Variants in CCDC138 observed in about 807,000 individuals in gnomAD.
The protein encoded by CCDC138 is coiled-coil domain containing 138.
Under a neutral mutation model 82.3 loss-of-function variants are expected in CCDC138, and 66 were observed. The ratio of observed to expected loss-of-function variants is 0.80; its 90% CI spans 0.66 to 0.98. The LOEUF is 0.98. Ranked by LOEUF, CCDC138 falls within the 50% of genes least tolerant of loss-of-function variation. The probability of loss-of-function intolerance (pLI) is 0.00; values close to 1 mark genes in which losing one functional copy is unlikely to be tolerated. For synonymous variants in CCDC138, 297 were observed against 265.4 expected (o/e 1.12, Z -1.16); for missense variants, 816 against 758.9 (o/e 1.08, Z -0.88).
Position 108,816,824 on chromosome 2 carries a change from G to T in CCDC138, c.1206+719G>T, listed in dbSNP as rs774472737. 2.0e-5 allele frequency among the ~76,000 whole-genome samples: 3 copies of T among 152,104 alleles called. No individual in the cohort carries two copies. In the East Asian group the frequency reaches 5.8e-4, roughly 29 times the overall value. ...TAGTCTTCCTGCCTCATCCCTTTGA[G>T]TAGGGTCTACAGGTATACACCACCT... is the stretch of plus-strand genomic sequence containing the variant. On this transcript the variant is annotated intron_variant, in intron 10 of 14. Transcript: ENST00000295124.
intron 3 of CCDC138, 33 bp from the exon 4 acceptor site, chr2:108,791,641 TC>T: frequency 6.3e-7 from 1 of 1,594,276 alleles, no homozygotes; most frequent in Non-Finnish European, 8.6e-7. Flanking sequence ...ATAGTAAACT[TC>T]TAGATTGCTG....
chr2:108,809,495 A>G (rs1683434805), intron 7 of CCDC138, among the ~76,000 whole-genome samples: 1 of 146,022 alleles, frequency 6.8e-6, no homozygotes, highest in Admixed American at 6.9e-5. Context: ...TGTGATCTTC[A>G]GTTTCATTCA....
intron 5 of CCDC138, among the ~76,000 whole-genome samples, chr2:108,798,187 C>G (rs1259864045): frequency 6.6e-6 from 1 of 152,128 alleles, no homozygotes; most frequent in African/African-American, 2.4e-5. Flanking sequence ...ATTTTGGACC[C>G]TAAATTCTCT....
intron 13 of CCDC138, among the ~76,000 whole-genome samples, chr2:108,869,992 G>C (rs996986315): frequency 7.2e-5 from 11 of 152,148 alleles, no homozygotes; most frequent in African/African-American, 2.7e-4. Flanking sequence ...GCTCAGAAAA[G>C]ACTTTAAAAC....
At chr2:108,853,559 C>T (rs754683021) in intron 12 of CCDC138, among the ~76,000 whole-genome samples, 26 of 148,700 alleles carry the variant, frequency 1.7e-4, no homozygotes, top group South Asian at 6.3e-4. Context: ...TGGGATCTCA[C>T]GCTATCACTC....
intron 7 of CCDC138, among the ~76,000 whole-genome samples, chr2:108,810,061 C>A (rs1683537736): frequency 6.6e-6 from 1 of 152,196 alleles, no homozygotes; most frequent in South Asian, 2.1e-4. Context: ...CTGCCTCGGC[C>A]TCCCATATTG....
At chr2:108,810,565 A>C (rs975130949) in intron 7 of CCDC138, among the ~76,000 whole-genome samples, 3 of 152,058 alleles carry the variant, frequency 2.0e-5, no homozygotes, top group Non-Finnish European at 2.9e-5. Context: ...TTGGTTTGCT[A>C]ATATTTTGTT....
intron 7 of CCDC138, among the ~76,000 whole-genome samples, chr2:108,806,651 A>G (rs560652603): frequency 6.6e-6 from 1 of 152,218 alleles, no homozygotes; most frequent in African/African-American, 2.4e-5. Context: ...CTGTGTTCCA[A>G]AACGACTGTA....
chr2:108,861,721 T>C (rs922631667), intron 13 of CCDC138, among the ~76,000 whole-genome samples: 1 of 152,112 alleles, frequency 6.6e-6, no homozygotes, highest in African/African-American at 2.4e-5. Context: ...CCTCCAGTGA[T>C]CCGCCCACCT....
chr2:108,806,391 G>A (rs1045283357), intron 7 of CCDC138, among the ~76,000 whole-genome samples: 17 of 152,224 alleles, frequency 1.1e-4, no homozygotes, highest in Non-Finnish European at 2.2e-4. Flanking sequence ...GGGTGGATAT[G>A]TGGATTATTA....
At chr2:108,832,355 T>C (rs1393231325) in intron 10 of CCDC138, among the ~76,000 whole-genome samples, 1 of 149,048 alleles carries the variant, frequency 6.7e-6, no homozygotes, top group Non-Finnish European at 1.5e-5. Context: ...TTTTTTTTTT[T>C]TTTTTTTTTG....
chr2:108,876,323 A>G lies in CCDC138; in HGVS notation c.*70A>G. On this transcript the variant is annotated 3_prime_UTR_variant, in exon 15 of 15. Coordinates refer to ENST00000295124, the MANE Select transcript of CCDC138 (RefSeq NM_144978.3). Reference sequence around the variant, plus strand: ...ACATGTAGAAATTACCAAAGTAACTACAATTCTACCAAGTAAAGTTATCAG... The same window carrying G: ...ACATGTAGAAATTACCAAAGTAACTGCAATTCTACCAAGTAAAGTTATCAG... 2.4e-6 allele frequency: 2 copies of G among 847,882 alleles called. No individual in the cohort carries two copies. Among genetic ancestry groups the G allele is most frequent in the Non-Finnish European group, 3.6e-6 (2 of 561,382 alleles). 52.5% of individuals were successfully genotyped at this position (847,882 alleles called of 1,614,324 possible). A position where few individuals can be genotyped will look rare whatever the true frequency, so the allele number is the denominator to read the frequency against.
At chr2:108,831,924 G>A (rs1438496902) in intron 10 of CCDC138, among the ~76,000 whole-genome samples, 2 of 151,634 alleles carry the variant, frequency 1.3e-5, no homozygotes, top group Non-Finnish European at 2.9e-5. Flanking sequence ...GTAGAGATGG[G>A]GTTTCACCAT....
At chr2:108,818,809 GAA>G (rs1685189187) in intron 10 of CCDC138, among the ~76,000 whole-genome samples, 1 of 150,532 alleles carries the variant, frequency 6.6e-6, no homozygotes, top group Non-Finnish European at 1.5e-5. Context: ...ATTACCTTTG[GAA>G]ACTTCTGACT....
chr2:108,854,381 T>C (rs1574244444), intron 12 of CCDC138, among the ~76,000 whole-genome samples: 1 of 150,704 alleles, frequency 6.6e-6, no homozygotes, highest in Non-Finnish European at 1.5e-5. Context: ...GTGTGGTATT[T>C]GGAAGGTCTT....
chr2:108,804,045 T>G (rs1682431543), intron 6 of CCDC138, among the ~76,000 whole-genome samples: 1 of 152,208 alleles, frequency 6.6e-6, no homozygotes, highest in South Asian at 2.1e-4. Flanking sequence ...AATGCTTAGA[T>G]TCTCTGATCT....
intron 10 of CCDC138, among the ~76,000 whole-genome samples, chr2:108,834,866 T>C (rs1014127677): frequency 2.0e-5 from 3 of 152,362 alleles, no homozygotes; most frequent in South Asian, 2.1e-4. Flanking sequence ...CATATGACTT[T>C]GTCACTTGAA....
chr2:108,809,656 T>C (rs960644983), intron 7 of CCDC138, among the ~76,000 whole-genome samples: 7 of 152,214 alleles, frequency 4.6e-5, no homozygotes, highest in African/African-American at 1.7e-4. Context: ...TTGGAAATGC[T>C]ACTGATTTTT....
intron 14 of CCDC138, among the ~76,000 whole-genome samples, chr2:108,875,311 A>G (rs1348313407): frequency 1.6e-5 from 1 of 63,176 alleles, no homozygotes; most frequent in African/African-American, 5.5e-5. Context: ...CTAAAACTTA[A>G]AGTATAATAA....
Sources: allele counts gnomAD v4.1 joint callset (sites outside exome capture counted in the v4.1 genomes callset), GRCh38; gene constraint gnomAD v4.1.1; transcripts MANE v1.5; gene names NCBI Gene and HGNC (gene_info 2026-07-23, HGNC 2026-07-21).